PREP: variants seen among roughly 807,000 people sequenced by gnomAD.
The protein encoded by PREP is prolyl endopeptidase, also known as dJ355L5.1 (prolyl endopeptidase).
PREP carries 29 observed loss-of-function variants against 87.6 expected under a neutral mutation model. The ratio of observed to expected loss-of-function variants is 0.33; its 90% CI spans 0.25 to 0.45. The LOEUF is 0.45. PREP is among the 20% of genes least tolerant of loss of function. PREP has a pLI of 1.00. For synonymous variants in PREP, 337 were observed against 328.6 expected (o/e 1.03, Z -0.28); for missense variants, 695 against 886.5 (o/e 0.78, Z 2.74).
At chr6:105,354,712 C>A (rs560937717) in intron 6 of PREP, among the ~76,000 whole-genome samples, 1 of 152,218 alleles carries the variant, frequency 6.6e-6, no homozygotes, top group East Asian at 1.9e-4. Context: ...CCTTGAGTCT[C>A]CAGCCTGTGG....
chr6:105,282,068 C>T (rs892620531), intron 13 of PREP, among the ~76,000 whole-genome samples, 166 bp from the exon 14 acceptor site: 5 of 152,112 alleles, frequency 3.3e-5, no homozygotes, highest in Admixed American at 6.5e-5. Context: ...CCAAAGCTCC[C>T]CACCCACTCT....
rs1237506121 is a variant in PREP at position 105,274,747 on chromosome 6, C to T, written c.*3397G>A. ...AGCGCCATTGCACTCCAGCCTGGGC[C>T]GTAACAGCAAAACTCCATCCCAAAA... On this transcript the variant is annotated 3_prime_UTR_variant, in exon 15 of 15. Transcript: ENST00000652536. 2.0e-5 allele frequency among the ~76,000 whole-genome samples: 3 copies of T among 152,032 alleles called. No individual in the cohort carries two copies. Among genetic ancestry groups the T allele is most frequent in the South Asian group, 2.1e-4 (1 of 4,824 alleles).
Position 105,288,871 on chromosome 6 carries a change from A to G in PREP, c.1341T>C (p.Gly447=). The part of the protein sequence containing the change: ...TVQIFYPSKD[G]TKIPMFIVHK... ...GCACAATGAACATTGGAATCTTCGT[A>G]CCATCCTTGCTAGGGTAGAAAATCT... Residue 447 remains glycine, a synonymous_variant, in exon 11 of 15, where the codon GGT becomes GGC. Transcript: ENST00000652536. The G allele has an allele frequency of 6.2e-7, 1 of 1,613,194 alleles. No homozygotes were observed. The highest frequency in any genetic ancestry group is 8.5e-7 in the Non-Finnish European group (1 of 1,179,158).
chr6:105,372,310 C>T (rs1387091217), intron 5 of PREP, among the ~76,000 whole-genome samples: 2 of 152,186 alleles, frequency 1.3e-5, no homozygotes, highest in African/African-American at 4.8e-5. Flanking sequence ...ACTGGAGTAG[C>T]TGTGCTTCTT....
In PREP at chr6:105,402,739, G is replaced by T; in HGVS notation, c.45+108C>A. 3.8e-6 allele frequency: 4 copies of T among 1,045,846 alleles called. No homozygotes were observed. In the Admixed American group the frequency reaches 9.9e-5, roughly 26 times the overall value. The allele number at this position is 1,045,846 out of a possible 1,614,324, so 64.8% of individuals were successfully genotyped here. ...AAACAAAGGCCGAGGGGGAGGGGAG[G>T]GACGCGGGGGTCGAAGGCCTACAGG... is the stretch of plus-strand genomic sequence containing the variant. On this transcript the variant is annotated intron_variant, in intron 1 of 14. Coordinates refer to ENST00000652536, the MANE Select transcript of PREP (RefSeq NM_002726.5).
At chr6:105,382,373 T>A (rs182904842) in intron 2 of PREP, among the ~76,000 whole-genome samples, 1 of 152,142 alleles carries the variant, frequency 6.6e-6, no homozygotes, top group East Asian at 1.9e-4. Flanking sequence ...TCACAATTTC[T>A]ACATATATCA....
At chr6:105,321,664 T>C (rs564247430) in intron 10 of PREP, among the ~76,000 whole-genome samples, 2 of 152,322 alleles carry the variant, frequency 1.3e-5, no homozygotes, top group Admixed American at 6.5e-5. Flanking sequence ...CCAATCATAC[T>C]AAGCAGTAAG....
At chr6:105,367,655 G>C (rs1398844216) in intron 6 of PREP, among the ~76,000 whole-genome samples, 3 of 144,108 alleles carry the variant, frequency 2.1e-5, no homozygotes, top group Non-Finnish European at 3.0e-5. Context: ...CTGGGCGACA[G>C]AGCGAGACTC....
In PREP at chr6:105,275,791, A is replaced by T. The variant is rs139109832; in HGVS notation, c.*2353T>A. Among the ~76,000 whole-genome samples the T allele has an allele frequency of 1.3e-5, 2 of 152,246 alleles. No homozygotes were observed. The highest frequency in any genetic ancestry group is 3.2e-3 in the Middle Eastern group (1 of 316). ...GATCCTGTCATTTGCAGCAACATGG[A>T]TGGAACTGAAGGTCAATATGGTAAG... On this transcript the variant is annotated 3_prime_UTR_variant, in exon 15 of 15. Coordinates refer to ENST00000652536, the MANE Select transcript of PREP (RefSeq NM_002726.5).
At chr6:105,343,764 G>GA (rs1771724278) in intron 7 of PREP, among the ~76,000 whole-genome samples, 1 of 152,172 alleles carries the variant, frequency 6.6e-6, no homozygotes. Flanking sequence ...AAAGACGCAT[G>GA]AAAAAATGCT....
intron 10 of PREP, among the ~76,000 whole-genome samples, chr6:105,318,775 A>C (rs145304563): frequency 5.9e-5 from 9 of 152,324 alleles, no homozygotes; most frequent in African/African-American, 1.9e-4. Flanking sequence ...CTCTTCACTA[A>C]AACGTTCTGA....
intron 10 of PREP, among the ~76,000 whole-genome samples, chr6:105,306,695 C>T (rs1184720713): frequency 6.6e-6 from 1 of 152,142 alleles, no homozygotes; most frequent in Non-Finnish European, 1.5e-5. Context: ...CTTCTCCCAC[C>T]ATACACACTG....
At chr6:105,348,557 G>T (rs1771861176) in intron 7 of PREP, among the ~76,000 whole-genome samples, 1 of 152,102 alleles carries the variant, frequency 6.6e-6, no homozygotes, top group Non-Finnish European at 1.5e-5. Flanking sequence ...GGAGGAGAGG[G>T]GGCAACTCTG....
At chr6:105,307,860 G>A (rs547410957) in intron 10 of PREP, among the ~76,000 whole-genome samples, 2 of 152,078 alleles carry the variant, frequency 1.3e-5, no homozygotes, top group African/African-American at 4.8e-5. Context: ...TGATCTGCCC[G>A]CCTCAGCCTC....
chr6:105,320,591 A>G (rs778328795), intron 10 of PREP, among the ~76,000 whole-genome samples: 29 of 152,236 alleles, frequency 1.9e-4, no homozygotes, highest in Non-Finnish European at 4.0e-4. Context: ...TGCCATTAAA[A>G]GAGGTTCTTG....
intron 10 of PREP, among the ~76,000 whole-genome samples, chr6:105,289,110 G>A (rs914133255): frequency 6.6e-6 from 1 of 152,210 alleles, no homozygotes; most frequent in Admixed American, 6.5e-5. Context: ...AGGGAGACCT[G>A]CATTTGAATT....
intron 2 of PREP, among the ~76,000 whole-genome samples, chr6:105,381,483 T>C (rs537372982): frequency 5.3e-5 from 8 of 152,264 alleles, no homozygotes; most frequent in African/African-American, 1.7e-4. Flanking sequence ...AATGGAAGTG[T>C]TACATGGTGA....
At chr6:105,393,316 C>T (rs1054202234) in intron 2 of PREP, among the ~76,000 whole-genome samples, 8 of 152,066 alleles carry the variant, frequency 5.3e-5, no homozygotes, top group Admixed American at 6.5e-5. Context: ...TCTGACAGTG[C>T]CTGGCGTTTA....
chr6:105,368,212 T>C (rs1772444410), intron 6 of PREP, among the ~76,000 whole-genome samples: 1 of 152,196 alleles, frequency 6.6e-6, no homozygotes, highest in Non-Finnish European at 1.5e-5. Context: ...ATCCCACCCA[T>C]ATTAAAACAT....
Sources: gnomAD v4.1 joint callset for allele counts (sites outside exome capture counted in the v4.1 genomes callset) on GRCh38, gnomAD v4.1.1 for gene constraint, MANE v1.5 for transcripts, NCBI Gene and HGNC (gene_info 2026-07-23, HGNC 2026-07-21) for gene names.